NCAM2: variants seen among roughly 807,000 people sequenced by gnomAD.
NCAM2 encodes the protein neural cell adhesion molecule 2, also known as N-CAM-2.
In NCAM2, 30 loss-of-function variants were observed where a neutral mutation model predicts 98.1. The observed-to-expected ratio is 0.31, with a 90% CI of 0.23 to 0.41. The LOEUF (loss-of-function observed/expected upper bound fraction) is 0.41. Among genes scored for constraint, NCAM2 ranks in the 10% least tolerant of loss-of-function variants. The pLI is 1.00. For missense variants in NCAM2, 867 were observed against 1,005.8 expected, an observed-to-expected ratio of 0.86 and a Z score of 1.87; for synonymous variants, 368 against 342.4, an observed-to-expected ratio of 1.07 and a Z score of -0.83.
At chr21:21,316,427 A>G (rs972635311) in intron 5 of NCAM2, among the ~76,000 whole-genome samples, 1 of 151,742 alleles carries the variant, frequency 6.6e-6, no homozygotes, top group Admixed American at 6.6e-5. Context: ...CAGATCATAT[A>G]TTTATTTTTT....
intron 1 of NCAM2, among the ~76,000 whole-genome samples, chr21:21,073,892 A>G (rs746435330): frequency 6.6e-6 from 1 of 152,222 alleles, no homozygotes; most frequent in Admixed American, 6.5e-5. Flanking sequence ...CATATGTTAC[A>G]GAAGACGAAC....
intron 11 of NCAM2, among the ~76,000 whole-genome samples, chr21:21,427,820 A>G (rs953887572): frequency 3.9e-5 from 6 of 152,238 alleles, no homozygotes; most frequent in Admixed American, 6.5e-5. Context: ...ATACATGTCA[A>G]TGGATACAAA....
intron 1 of NCAM2, among the ~76,000 whole-genome samples, chr21:21,160,277 A>T (rs945995846): frequency 7.9e-5 from 12 of 152,022 alleles, no homozygotes; most frequent in African/African-American, 2.9e-4. Context: ...TAGTAATGCC[A>T]CTGATCTATA....
chr21:21,434,707 G>T (rs1349041128), intron 12 of NCAM2, among the ~76,000 whole-genome samples: 2 of 152,132 alleles, frequency 1.3e-5, no homozygotes, highest in African/African-American at 4.8e-5. Flanking sequence ...TGGTATAGTG[G>T]TGAGCATCGC....
intron 1 of NCAM2, among the ~76,000 whole-genome samples, chr21:21,153,564 G>A (rs1421990655): frequency 6.6e-6 from 1 of 151,790 alleles, no homozygotes; most frequent in Non-Finnish European, 1.5e-5. Context: ...TTTAAGTAGT[G>A]GAAAAGCAAA....
chr21:21,237,803 G>C (rs2070893073), intron 1 of NCAM2, among the ~76,000 whole-genome samples: 1 of 151,686 alleles, frequency 6.6e-6, no homozygotes, highest in Non-Finnish European at 1.5e-5. Flanking sequence ...GGTTTCAGTG[G>C]AATTTCTTAA....
chr21:21,342,322 A>T (rs2075065239), intron 8 of NCAM2, among the ~76,000 whole-genome samples: 1 of 152,292 alleles, frequency 6.6e-6, no homozygotes, highest in Middle Eastern at 3.4e-3. Flanking sequence ...GGCCAGATGG[A>T]TATCACTTGG....
At chr21:21,040,826 A>G (rs929073620) in intron 1 of NCAM2, among the ~76,000 whole-genome samples, 3 of 152,144 alleles carry the variant, frequency 2.0e-5, no homozygotes, top group African/African-American at 7.2e-5. Flanking sequence ...AATTACAGCT[A>G]GTTAGGAAGA....
intron 17 of NCAM2, among the ~76,000 whole-genome samples, chr21:21,535,363 A>G (rs1389601326): frequency 6.6e-6 from 1 of 152,092 alleles, no homozygotes; most frequent in Non-Finnish European, 1.5e-5. Context: ...GTGGTCACAC[A>G]CTTCTTTACT....
intron 1 of NCAM2, among the ~76,000 whole-genome samples, chr21:21,190,859 C>A (rs1601605110): frequency 6.6e-6 from 1 of 152,178 alleles, no homozygotes; most frequent in African/African-American, 2.4e-5. Flanking sequence ...GAATTCCTAC[C>A]ATATGTAAAG....
intron 1 of NCAM2, among the ~76,000 whole-genome samples, chr21:21,110,796 T>C (rs895156069): frequency 9.2e-5 from 14 of 152,130 alleles, no homozygotes; most frequent in Non-Finnish European, 1.9e-4. Context: ...CTACCACTTA[T>C]CGAGGAACTG....
intron 14 of NCAM2, among the ~76,000 whole-genome samples, chr21:21,470,186 A>G (rs1984258289): frequency 6.6e-6 from 1 of 152,032 alleles, no homozygotes; most frequent in African/African-American, 2.4e-5. Flanking sequence ...TTTCTTGAGT[A>G]GCACTGCATC....
intron 5 of NCAM2, among the ~76,000 whole-genome samples, chr21:21,300,107 CAG>C (rs2073654201): frequency 6.6e-6 from 1 of 151,780 alleles, no homozygotes; most frequent in African/African-American, 2.4e-5. Flanking sequence ...TCCTCAGATG[CAG>C]AACCTGGGGA....
In NCAM2 at chr21:21,082,285, A is replaced by AAAC. The variant is rs1555882248; in HGVS notation, c.55+83669_55+83670insCAA. The stretch of plus-strand genomic sequence containing the variant: ...TGTACCTATCAGAGCTCAAAACAAA[A>AAAC]AAAAAAAAACAAAACAAAAACACCT... On this transcript the variant is annotated intron_variant, in intron 1 of 17. Coordinates refer to ENST00000400546, the MANE Select transcript of NCAM2 (RefSeq NM_004540.5). 7.4e-4 allele frequency among the ~76,000 whole-genome samples: 110 copies of AAAC among 148,766 alleles called. 1 individual carries two copies. The highest frequency in any genetic ancestry group is 1.4e-3 in the Non-Finnish European group (97 of 67,310).
At chr21:21,156,182 T>C (rs1017717432) in intron 1 of NCAM2, among the ~76,000 whole-genome samples, 1 of 152,062 alleles carries the variant, frequency 6.6e-6, no homozygotes, top group African/African-American at 2.4e-5. Context: ...TGTAGCATGC[T>C]TGTTCTGTAG....
At chr21:21,395,299 ACTC>A (rs1287315425) in intron 9 of NCAM2, among the ~76,000 whole-genome samples, 1 of 152,018 alleles carries the variant, frequency 6.6e-6, no homozygotes, top group Non-Finnish European at 1.5e-5. Context: ...ACGCCACTGA[ACTC>A]CTGGCCCACA....
At chr21:21,040,736 C>T (rs915833684) in intron 1 of NCAM2, among the ~76,000 whole-genome samples, 4 of 152,010 alleles carry the variant, frequency 2.6e-5, no homozygotes, top group African/African-American at 7.2e-5. Flanking sequence ...AAAAGTTTAT[C>T]TTAGAAGTAG....
chr21:21,479,619 T>TA (rs1344853316), intron 15 of NCAM2, among the ~76,000 whole-genome samples: 1 of 108,916 alleles, frequency 9.2e-6, no homozygotes, highest in African/African-American at 3.2e-5. Context: ...TTGTTGATGA[T>TA]AAAAACCAAC....
intron 8 of NCAM2, among the ~76,000 whole-genome samples, chr21:21,351,810 G>T (rs967745464): frequency 1.3e-5 from 2 of 152,078 alleles, no homozygotes; most frequent in African/African-American, 4.8e-5. Context: ...GCAGTGGCAC[G>T]ATCTCGGCTC....
Sources: allele counts gnomAD v4.1 joint callset (sites outside exome capture counted in the v4.1 genomes callset), GRCh38; gene constraint gnomAD v4.1.1; transcripts MANE v1.5; gene names NCBI Gene and HGNC (gene_info 2026-07-23, HGNC 2026-07-21).